The following PCDHA7 variants were observed in gnomAD, a reference collection of about 807,000 sequenced individuals.
The protein encoded by PCDHA7 is protocadherin alpha-7.
Under a neutral mutation model 57.2 loss-of-function variants are expected in PCDHA7, and 37 were observed. That is an observed-to-expected ratio of 0.65 (90% CI 0.50 to 0.85). The LOEUF is 0.85. Among genes scored for constraint, PCDHA7 ranks in the 40% least tolerant of loss-of-function variants. The pLI, the probability that PCDHA7 is intolerant of heterozygous loss-of-function variation, is 0.00. For synonymous variants in PCDHA7, 553 were observed against 558.8 expected (o/e 0.99, Z 0.15); for missense variants, 1,188 against 1,241.8 (o/e 0.96, Z 0.65).
At chr5:140,875,707 C>T in intron 1 of PCDHA7, 1 of 1,614,166 alleles carries the variant, frequency 6.2e-7, no homozygotes. Flanking sequence ...GGAGGTAAAT[C>T]TGCAGAATGG....
chr5:140,856,904 C>A, intron 1 of PCDHA7: 2 of 1,596,242 alleles, frequency 1.3e-6, no homozygotes, highest in Non-Finnish European at 1.7e-6. Context: ...TTTGGTCCCA[C>A]CCACGATAAG....
chr5:140,968,373 C>T (rs1554230649), intron 1 of PCDHA7: 1 of 1,614,034 alleles, frequency 6.2e-7, no homozygotes, highest in African/African-American at 1.3e-5. Context: ...GCTGTCAACT[C>T]CTTTGACTAT....
intron 1 of PCDHA7, chr5:140,855,953 T>TA (rs2043692800): frequency 2.2e-6 from 3 of 1,381,096 alleles, no homozygotes; most frequent in Admixed American, 4.7e-5. Flanking sequence ...GCCATTTCGA[T>TA]AAAAAATAGA....
At position 140,856,085 on chromosome 5, in the gene PCDHA7, C is replaced by T. The variant is rs2043764270; in HGVS notation, c.2355+19347C>T. 5.0e-6 allele frequency: 8 copies of T among 1,596,290 alleles called. No homozygotes were observed. In the East Asian group the frequency reaches 1.8e-4, roughly 36 times the overall value. On this transcript the variant is annotated intron_variant, in intron 1 of 3. Transcript: ENST00000525929. ...ATGTAGCTGCCTGGGGGTCCAGTGT[C>T]TGCTGCTCTCGCTTCTTCTCCTCGC...
intron 3 of PCDHA7, among the ~76,000 whole-genome samples, chr5:141,007,315 C>A (rs1207897662): frequency 1.3e-5 from 2 of 148,308 alleles, no homozygotes; most frequent in Admixed American, 1.4e-4. Flanking sequence ...TTTTGGGAGG[C>A]TAAAGTGGAC....
intron 1 of PCDHA7, among the ~76,000 whole-genome samples, chr5:140,947,967 T>C (rs565128955): frequency 1.2e-4 from 18 of 151,462 alleles, no homozygotes; most frequent in Non-Finnish European, 2.2e-4. Flanking sequence ...ATTAAGTATG[T>C]GCTACTCATA....
At chr5:140,977,097 G>T (rs988046010) in intron 1 of PCDHA7, among the ~76,000 whole-genome samples, 2 of 152,222 alleles carry the variant, frequency 1.3e-5, no homozygotes, top group African/African-American at 4.8e-5. Flanking sequence ...GTGTCATTGG[G>T]GAAGTGAGAT....
chr5:140,846,373 C>CTTTTTTTTTTTTTTTTTTT (rs374699051), intron 1 of PCDHA7, among the ~76,000 whole-genome samples: 1 of 55,152 alleles, frequency 1.8e-5, no homozygotes, highest in Admixed American at 2.3e-4. Flanking sequence ...TTCTTTCTTT[C>CTTTTTTTTTTTTTTTTTTT]TTTTTTTTTT....
chr5:140,997,719 C>T (rs1456038917), intron 3 of PCDHA7, among the ~76,000 whole-genome samples: 1 of 150,932 alleles, frequency 6.6e-6, no homozygotes, highest in East Asian at 1.9e-4. Context: ...CACCTTTCTA[C>T]GTCAGTACAT....
intron 1 of PCDHA7, among the ~76,000 whole-genome samples, chr5:140,892,821 T>C (rs2063687425): frequency 6.6e-6 from 1 of 152,210 alleles, no homozygotes; most frequent in Non-Finnish European, 1.5e-5. Context: ...TATCCTACAG[T>C]GCTACAGTGC....
intron 1 of PCDHA7, among the ~76,000 whole-genome samples, chr5:140,960,837 G>A (rs1554225051): frequency 6.6e-6 from 1 of 151,456 alleles, no homozygotes; most frequent in African/African-American, 2.5e-5. Flanking sequence ...ACTTGGAACA[G>A]GTTTAATGGC....
Position 140,836,146 on chromosome 5 carries a change from G to A in PCDHA7, c.1763G>A (p.Gly588Asp), listed in dbSNP as rs2150254083. The A allele has an allele frequency of 6.2e-7, 1 of 1,613,806 alleles. No homozygotes were observed. The change falls in exon 1 of 4, where the codon GGC becomes GAC. Residue 588 changes from glycine (G) to aspartate (D), a missense_variant. Gly to Asp is a moderately conservative substitution (Grantham distance 94). Transcript: ENST00000525929. ...CTTGTGCCGCGGTCTGTGGGCGCGG[G>A]CCATGTGGTGGCGAAGGTACGTGCA... Reference protein sequence around the residue: ...RELVPRSVGAGHVVAKVRAVD... With the variant: ...RELVPRSVGADHVVAKVRAVD...
rs2096504149 is a variant in PCDHA7 at position 140,971,885 on chromosome 5, T to G, written c.2356-7064T>G. Among the ~76,000 whole-genome samples the G allele has an allele frequency of 2.0e-5, 3 of 152,134 alleles. No individual in the cohort carries two copies. In the South Asian group the frequency reaches 6.2e-4, roughly 31 times the overall value. ...ACATCTAGCATATGAGGAAATAAGC[T>G]CAGGGAGGTTAGGTAATCTACACAG... On this transcript the variant is annotated intron_variant, in intron 1 of 3. Coordinates refer to ENST00000525929, the MANE Select transcript of PCDHA7 (RefSeq NM_018910.3).
At chr5:141,003,543 C>T (rs2098129407) in intron 3 of PCDHA7, among the ~76,000 whole-genome samples, 1 of 152,108 alleles carries the variant, frequency 6.6e-6, no homozygotes, top group Non-Finnish European at 1.5e-5. Context: ...GAACTCCTGG[C>T]TTCAAGTGAT....
chr5:140,967,608 C>T, intron 1 of PCDHA7: 1 of 1,614,160 alleles, frequency 6.2e-7, no homozygotes, highest in Non-Finnish European at 8.5e-7. Flanking sequence ...AAGCTGAATG[C>T]CTCAGACCCG....
At chr5:140,850,745 C>G in intron 1 of PCDHA7, 1 of 1,597,954 alleles carries the variant, frequency 6.3e-7, no homozygotes, top group Non-Finnish European at 8.6e-7. Context: ...GTTGGTCGTA[C>G]TCGCAGCAGA....
intron 3 of PCDHA7, among the ~76,000 whole-genome samples, chr5:140,998,223 G>A (rs1554256200): frequency 6.6e-6 from 1 of 152,140 alleles, no homozygotes; most frequent in Non-Finnish European, 1.5e-5. Context: ...ACCACACCCA[G>A]AAATTTGTGC....
At chr5:140,877,500 A>G (rs781878840) in intron 1 of PCDHA7, 80 of 1,613,694 alleles carry the variant, frequency 5.0e-5, no homozygotes, top group Non-Finnish European at 6.6e-5. Flanking sequence ...GCCAGGCCCC[A>G]AAGACGTCGT....
At chr5:140,864,105 T>C (rs1413292385) in intron 1 of PCDHA7, 1 of 152,314 alleles carries the variant, frequency 6.6e-6, no homozygotes, top group Non-Finnish European at 1.5e-5. Flanking sequence ...ATAATGATAA[T>C]AGTAATAATG....
Sources: gnomAD v4.1 joint callset for allele counts (sites outside exome capture counted in the v4.1 genomes callset) on GRCh38, gnomAD v4.1.1 for gene constraint, MANE v1.5 for transcripts, NCBI Gene and HGNC (gene_info 2026-07-23, HGNC 2026-07-21) for gene names.